Variants in DHX37 observed in about 807,000 individuals in gnomAD.
The protein encoded by DHX37 is DEAH-box helicase 37.
In DHX37, 52 loss-of-function variants were observed where a neutral mutation model predicts 134.3. The observed-to-expected ratio is 0.39, with a 90% CI of 0.31 to 0.49. DHX37 has a LOEUF of 0.49. DHX37 is among the 20% of genes least tolerant of loss of function. DHX37 has a pLI of 0.93. For missense variants in DHX37, 1,344 were observed against 1,580.8 expected, an observed-to-expected ratio of 0.85 and a Z score of 2.54; for synonymous variants, 634 against 670.7, an observed-to-expected ratio of 0.95 and a Z score of 0.85.
At chr12:124,952,645 C>A (rs955005264) in intron 20 of DHX37, 75 bp from the exon 21 acceptor site, 12 of 1,452,000 alleles carry the variant, frequency 8.3e-6, no homozygotes, top group Middle Eastern at 1.9e-4. Context: ...CCTAGAAAGT[C>A]CCAACCATGC....
Position 124,971,430 on chromosome 12 carries a change from G to A in DHX37, c.1078-15C>T, listed in dbSNP as rs755550856. 8.1e-6 allele frequency: 13 copies of A among 1,611,336 alleles called. No individual in the cohort carries two copies. In the Middle Eastern group the frequency reaches 8.5e-4, roughly 106 times the overall value. ...AGCAGGAAGTCCTGGGGGGAGGTCCGGGGTGAGGCCCACCCTTCCAGCCTA... is the reference window on the plus strand; with the variant it reads ...AGCAGGAAGTCCTGGGGGGAGGTCCAGGGTGAGGCCCACCCTTCCAGCCTA... On this transcript the variant is annotated splice_polypyrimidine_tract_variant and intron_variant, in intron 7 of 26. Coordinates refer to ENST00000308736, the MANE Select transcript of DHX37 (RefSeq NM_032656.4).
chr12:124,975,888 C>T (rs1458315924), intron 5 of DHX37, among the ~76,000 whole-genome samples: 1 of 152,204 alleles, frequency 6.6e-6, no homozygotes, highest in Non-Finnish European at 1.5e-5. Context: ...CAGCTGCTCT[C>T]CCTCGAAAGG....
chr12:124,953,100 T>A (rs1954007742), intron 20 of DHX37: 1 of 152,256 alleles, frequency 6.6e-6, no homozygotes, highest in Non-Finnish European at 1.5e-5. Context: ...TCAAGTGACT[T>A]CTCTTCCTTG....
intron 8 of DHX37, among the ~76,000 whole-genome samples, chr12:124,970,768 T>C (rs1405283171): frequency 2.6e-5 from 4 of 152,192 alleles, no homozygotes; most frequent in African/African-American, 9.7e-5. Context: ...TCATGGCACA[T>C]GTGGAGCGCA....
intron 13 of DHX37, among the ~76,000 whole-genome samples, chr12:124,965,227 C>A (rs1304252636): frequency 1.3e-5 from 2 of 152,204 alleles, no homozygotes; most frequent in African/African-American, 4.8e-5. Flanking sequence ...GGATCTGAAC[C>A]CCTGTGCTGC....
Position 124,962,200 on chromosome 12 carries a change from T to G in DHX37, c.2046-1777A>C, listed in dbSNP as rs1042389065. ...TCCAGCCTGAGCAACAGAGTGAGAC[T>G]TTGTCTCTCAAAAAAAACCCCAGCA... On this transcript the variant is annotated intron_variant, in intron 15 of 26. Transcript: ENST00000308736. 2.0e-5 allele frequency among the ~76,000 whole-genome samples: 3 copies of G among 151,934 alleles called. No individual in the cohort carries two copies. In the East Asian group the frequency reaches 5.8e-4, roughly 29 times the overall value.
At chr12:124,966,927 C>A in intron 11 of DHX37, 49 bp from the exon 12 acceptor site, 2 of 1,608,638 alleles carry the variant, frequency 1.2e-6, no homozygotes, top group South Asian at 2.2e-5. Flanking sequence ...CCGGCGTGGT[C>A]GCCAGCACAC....
intron 16 of DHX37, among the ~76,000 whole-genome samples, chr12:124,959,012 T>C (rs1382909863): frequency 4.2e-5 from 6 of 141,212 alleles, no homozygotes; most frequent in Admixed American, 3.4e-4. Flanking sequence ...CAGGTTCCAG[T>C]GATTCTCCTG....
intron 11 of DHX37, 107 bp from the exon 12 acceptor site, chr12:124,966,985 C>T (rs548976159): frequency 1.2e-5 from 18 of 1,549,004 alleles, no homozygotes; most frequent in South Asian, 4.5e-5. Flanking sequence ...GCCATTTATT[C>T]GGGGGTGAGG....
intron 4 of DHX37, among the ~76,000 whole-genome samples, chr12:124,979,565 G>T (rs922097194): frequency 2.6e-5 from 4 of 152,150 alleles, no homozygotes; most frequent in Non-Finnish European, 5.9e-5. Context: ...TAACAAAAAA[G>T]CAAACTGGAA....
In DHX37 at chr12:124,980,912, C is replaced by T; in HGVS notation, c.390-74G>A. On this transcript the variant is annotated intron_variant, in intron 3 of 26. Coordinates refer to ENST00000308736, the MANE Select transcript of DHX37 (RefSeq NM_032656.4). This position sits in a 1 kb window ranked among gnomAD's most constrained non-coding sequence, Gnocchi z 5.3. ...AGAGGTCAGGACTCCAAGGCCATAC[C>T]CCTTTCTGCCTCAGGGACTTTGCAC... 3 of 1,481,706 alleles carry T rather than the reference C, an allele frequency of 2.0e-6. No homozygotes were observed. In the African/African-American group the frequency reaches 4.2e-5, roughly 21 times the overall value. The allele number at this position is 1,481,706 out of a possible 1,614,324, so 91.8% of individuals were successfully genotyped here. A position where few individuals can be genotyped will look rare whatever the true frequency, so the allele number is the denominator to read the frequency against.
chr12:124,961,151 C>T (rs544463496), intron 15 of DHX37, among the ~76,000 whole-genome samples: 2 of 151,368 alleles, frequency 1.3e-5, no homozygotes. Flanking sequence ...CGTGCACGCA[C>T]GCACACACAC....
chr12:124,971,060 G>A (rs1367152234), intron 8 of DHX37, among the ~76,000 whole-genome samples: 2 of 152,230 alleles, frequency 1.3e-5, no homozygotes, highest in Non-Finnish European at 2.9e-5. Context: ...ATGGGGAGAA[G>A]GACACCAGTT....
At position 124,966,897 on chromosome 12, in the gene DHX37, G is replaced by T; in HGVS notation, c.1505-19C>A. 1 of 1,614,232 alleles carries T rather than the reference G, an allele frequency of 6.2e-7. No homozygotes were observed. The highest frequency in any genetic ancestry group is 8.5e-7 in the Non-Finnish European group (1 of 1,180,030). On this transcript the variant is annotated intron_variant, in intron 11 of 26. Coordinates refer to ENST00000308736, the MANE Select transcript of DHX37 (RefSeq NM_032656.4). ...TCCTTTTCTGGGAGAGGGGCAGGTT[G>T]GGGAGAAAGGCGTCTGTGGCCGGCG...
rs371646180 is a variant in DHX37, at chr12:124,986,219, T to G, written c.153A>C (p.Leu51=). The change falls in exon 2 of 27, where the codon CTA becomes CTC. Residue 51 remains leucine (L), a synonymous_variant. Transcript: ENST00000308736. ...TGGTCTTCTTTTTCTTCTTCCCCGG[T>G]AGAACGAGCGCGTTGCTTGCATCAA... is the stretch of plus-strand genomic sequence containing the variant. ...KGVDASNALV[L]PGKKKKKTKA... is the part of the protein sequence containing the mutation. 7.4e-6 allele frequency: 12 copies of G among 1,614,006 alleles called. No homozygotes were observed.
At chr12:124,955,546 A>T (rs1954075365) in intron 18 of DHX37, among the ~76,000 whole-genome samples, 1 of 152,164 alleles carries the variant, frequency 6.6e-6, no homozygotes, top group Non-Finnish European at 1.5e-5. Context: ...CTGACCTCTC[A>T]AGTGATCTGC....
At chr12:124,971,214 G>T in intron 8 of DHX37, 88 bp downstream of exon 8, 1 of 1,535,530 alleles carries the variant, frequency 6.5e-7, no homozygotes, top group South Asian at 1.2e-5. Context: ...AGGGTACAAC[G>T]GGGAACAGGT....
rs778126400 is a variant in DHX37 at position 124,980,568 on chromosome 12, TGGA to T, written c.657_659del (p.Pro220del). The T allele has an allele frequency of 1.7e-5, 28 of 1,611,680 alleles. No homozygotes were observed. Among genetic ancestry groups the T allele is most frequent in the Admixed American group, 1.7e-5 (1 of 59,940 alleles). On this transcript the variant is annotated inframe_deletion, in exon 4 of 27. Coordinates refer to ENST00000308736, the MANE Select transcript of DHX37 (RefSeq NM_032656.4). The surrounding 1 kb of genome is among the most constrained non-coding windows in gnomAD (Gnocchi z 5.3). Reference sequence around the variant, plus strand: ...CCCTGGGCAGTGGTGGGGCTGCAGCTGGAGGAGGAGGAACAGTCATCCCAGCCG... The same window carrying T: ...CCCTGGGCAGTGGTGGGGCTGCAGCTGGAGGAGGAACAGTCATCCCAGCCG...
rs929512383 is a variant in DHX37, at chr12:124,953,771, G to A, written c.2695+109C>T. The A allele has an allele frequency of 1.2e-5, 18 of 1,467,340 alleles. No individual in the cohort carries two copies. In the African/African-American group the frequency reaches 1.6e-4, roughly 13 times the overall value. The allele number at this position is 1,467,340 out of a possible 1,614,324, so 90.9% of individuals were successfully genotyped here. A position where few individuals can be genotyped will look rare whatever the true frequency, so the allele number is the denominator to read the frequency against. On this transcript the variant is annotated intron_variant, in intron 20 of 26. Coordinates refer to ENST00000308736, the MANE Select transcript of DHX37 (RefSeq NM_032656.4). The stretch of plus-strand genomic sequence containing the variant: ...TTTAGGGTTATAAATACATTTTGGT[G>A]CGTAGCAAGTTTGCAAACGTGGACT...
Sources: allele counts gnomAD v4.1 joint callset (sites outside exome capture counted in the v4.1 genomes callset), GRCh38; gene constraint gnomAD v4.1.1; non-coding constraint Gnocchi (gnomAD v3.1); transcripts MANE v1.5; gene names NCBI Gene and HGNC (gene_info 2026-07-23, HGNC 2026-07-21).